ADCY1: variants seen among roughly 807,000 people sequenced by gnomAD.
ADCY1 encodes the protein adenylate cyclase 1.
In ADCY1, 28 loss-of-function variants were observed where a neutral mutation model predicts 105.4. The observed-to-expected ratio is 0.27, with a 90% CI of 0.20 to 0.36. ADCY1 has a LOEUF of 0.36. ADCY1 is among the 10% of genes least tolerant of loss of function. The pLI is 1.00. For missense variants in ADCY1, 977 were observed against 1,434.2 expected, an observed-to-expected ratio of 0.68 and a Z score of 5.15; for synonymous variants, 655 against 623.8, an observed-to-expected ratio of 1.05 and a Z score of -0.75.
At chr7:45,670,029 G>C (rs115795106) in intron 8 of ADCY1, among the ~76,000 whole-genome samples, 2 of 152,294 alleles carry the variant, frequency 1.3e-5, no homozygotes, top group African/African-American at 4.8e-5. Flanking sequence ...TGATCCATTG[G>C]AGTTAGCTTT....
intron 8 of ADCY1, among the ~76,000 whole-genome samples, chr7:45,665,491 C>T (rs1784215116): frequency 6.6e-6 from 1 of 152,244 alleles, no homozygotes; most frequent in African/African-American, 2.4e-5. Flanking sequence ...CCAGAAGCCT[C>T]CCAATTCAGT....
At position 45,703,336 on chromosome 7, in the gene ADCY1, C is replaced by A; in HGVS notation, c.2455-40C>A. On this transcript the variant is annotated intron_variant, in intron 14 of 19. Transcript: ENST00000297323. The surrounding 1 kb of genome is among the most constrained non-coding windows in gnomAD (Gnocchi z 5.9). ...GTGCGGTGGGAACAAGTGAAGGCAG[C>A]GTGAGTGGATGGGACTAATGGAGGC... 3 of 1,583,126 alleles carry A rather than the reference C, an allele frequency of 1.9e-6. No homozygotes were observed. Among genetic ancestry groups the A allele is most frequent in the Non-Finnish European group, 2.6e-6 (3 of 1,152,562 alleles).
intron 2 of ADCY1, among the ~76,000 whole-genome samples, chr7:45,596,434 C>T (rs939805495): frequency 6.6e-6 from 1 of 151,986 alleles, no homozygotes; most frequent in Non-Finnish European, 1.5e-5. Context: ...GGTGTGGACA[C>T]ACCCCAGTCT....
intron 7 of ADCY1, among the ~76,000 whole-genome samples, chr7:45,661,804 C>T (rs1795114454): frequency 6.6e-6 from 1 of 152,178 alleles, no homozygotes; most frequent in African/African-American, 2.4e-5. Flanking sequence ...TTCAGGATTC[C>T]GAGCATCACG....
intron 17 of ADCY1, among the ~76,000 whole-genome samples, chr7:45,705,572 C>T (rs1482238865): frequency 6.6e-6 from 1 of 152,136 alleles, no homozygotes; most frequent in Non-Finnish European, 1.5e-5. Flanking sequence ...GAAGACAACA[C>T]CTCAGTTTGA....
intron 2 of ADCY1, among the ~76,000 whole-genome samples, chr7:45,602,357 C>G (rs925924066): frequency 1.3e-5 from 2 of 152,070 alleles, no homozygotes; most frequent in Non-Finnish European, 1.5e-5. Context: ...CAGCTTCCTC[C>G]TCCGCTGCCT....
At chr7:45,606,317 TG>T (rs1793372320) in intron 2 of ADCY1, among the ~76,000 whole-genome samples, 1 of 152,064 alleles carries the variant, frequency 6.6e-6, no homozygotes, top group African/African-American at 2.4e-5. Context: ...TGGCCTTTGC[TG>T]GTGTGGGTGG....
chr7:45,706,661 A>G (rs1785127317), intron 17 of ADCY1, among the ~76,000 whole-genome samples: 1 of 152,186 alleles, frequency 6.6e-6, no homozygotes, highest in Non-Finnish European at 1.5e-5. Context: ...GACTTTTTAA[A>G]TACAATACCA....
In ADCY1 at chr7:45,591,365, G is replaced by T. The variant is rs1300854081; in HGVS notation, c.640-1394G>T. Among the ~76,000 whole-genome samples the T allele has an allele frequency of 6.6e-6, 1 of 152,324 alleles. No homozygotes were observed. Among genetic ancestry groups the T allele is most frequent in the South Asian group, 2.1e-4 (1 of 4,828 alleles). ...GACACCCATCTGTCCCGTCTCATGG[G>T]TCTACCTCCTGGACTCGCTTGGTCC... On this transcript the variant is annotated intron_variant, in intron 1 of 19. Coordinates refer to ENST00000297323, the MANE Select transcript of ADCY1 (RefSeq NM_021116.4). This position sits in a 1 kb window ranked among gnomAD's most constrained non-coding sequence, Gnocchi z 4.1.
At chr7:45,582,148 A>T (rs1274159901) in intron 1 of ADCY1, among the ~76,000 whole-genome samples, 1 of 152,190 alleles carries the variant, frequency 6.6e-6, no homozygotes, top group Admixed American at 6.5e-5. Context: ...ACACTGATGC[A>T]CACTCGTAAA....
chr7:45,589,164 C>T (rs74999053), intron 1 of ADCY1, among the ~76,000 whole-genome samples: 2,874 of 152,226 alleles, frequency 0.019, 60 homozygotes, highest in South Asian at 0.091. Context: ...CTCCTGTCCT[C>T]GCTCGCAGCC....
chr7:45,682,883 AG>A (rs1241491664), intron 11 of ADCY1, among the ~76,000 whole-genome samples: 1 of 152,148 alleles, frequency 6.6e-6, no homozygotes, highest in Non-Finnish European at 1.5e-5. Context: ...TCCTTAAGGT[AG>A]GGGGAAGGGA....
intron 2 of ADCY1, among the ~76,000 whole-genome samples, chr7:45,595,579 G>T (rs144908108): frequency 6.6e-6 from 1 of 152,274 alleles, no homozygotes; most frequent in African/African-American, 2.4e-5. Flanking sequence ...GACTTTCCTG[G>T]CAGTCGGGTG....
At chr7:45,610,780 G>GGAGGTGAA (rs1793532004) in intron 3 of ADCY1, among the ~76,000 whole-genome samples, 11 of 57,592 alleles carry the variant, frequency 1.9e-4, no homozygotes, top group Non-Finnish European at 2.6e-4. Flanking sequence ...GTGGAGGTGT[G>GGAGGTGAA]GGGGTGATGG....
intron 19 of ADCY1, among the ~76,000 whole-genome samples, chr7:45,713,286 G>A (rs1295201562): frequency 2.0e-5 from 3 of 152,178 alleles, no homozygotes; most frequent in Admixed American, 2.0e-4. Context: ...GAGCCACCAT[G>A]GAAGCTCACA....
intron 5 of ADCY1, among the ~76,000 whole-genome samples, chr7:45,653,243 A>G (rs973069427): frequency 6.6e-6 from 1 of 152,136 alleles, no homozygotes; most frequent in Non-Finnish European, 1.5e-5. Context: ...TTGGAGCTTC[A>G]GTTTTCCCCC....
At chr7:45,661,740 C>T (rs771141466) in intron 7 of ADCY1, among the ~76,000 whole-genome samples, 5 of 152,186 alleles carry the variant, frequency 3.3e-5, no homozygotes, top group Non-Finnish European at 7.3e-5. Flanking sequence ...ACCTTCATTC[C>T]AAGCCCTGGT....
intron 14 of ADCY1, among the ~76,000 whole-genome samples, chr7:45,689,123 A>G (rs1328104543): frequency 6.6e-6 from 1 of 151,106 alleles, no homozygotes; most frequent in Admixed American, 6.6e-5. Flanking sequence ...CCTGAATTCC[A>G]GGTTCTGGAG....
intron 2 of ADCY1, among the ~76,000 whole-genome samples, chr7:45,604,890 T>G (rs1793333414): frequency 6.6e-6 from 1 of 152,234 alleles, no homozygotes. Context: ...GGATTTATAT[T>G]AAAACTGTAT....
Sources: allele counts gnomAD v4.1 joint callset (sites outside exome capture counted in the v4.1 genomes callset), GRCh38; gene constraint gnomAD v4.1.1; non-coding constraint Gnocchi (gnomAD v3.1); transcripts MANE v1.5; gene names NCBI Gene and HGNC (gene_info 2026-07-23, HGNC 2026-07-21).